Variants in DCC observed in about 807,000 individuals in gnomAD.
The protein encoded by DCC is netrin receptor DCC.
In DCC, 58 loss-of-function variants were observed where a neutral mutation model predicts 172.5. That is an observed-to-expected ratio of 0.34 (90% CI 0.27 to 0.42). The LOEUF (loss-of-function observed/expected upper bound fraction) is 0.42. Among genes scored for constraint, DCC ranks in the 10% least tolerant of loss-of-function variants. DCC has a pLI of 1.00. For missense variants in DCC, 1,740 were observed against 1,791.0 expected (o/e 0.97, Z 0.51); for synonymous variants, 709 against 644.5 (o/e 1.10, Z -1.52).
chr18:52,755,204 G>A (rs1338227623), intron 2 of DCC, among the ~76,000 whole-genome samples: 3 of 152,198 alleles, frequency 2.0e-5, no homozygotes, highest in Non-Finnish European at 2.9e-5. Context: ...AAGGCCAGAG[G>A]AGGTCTGCTG....
chr18:53,351,456 T>TATATAC (rs1332791870), intron 15 of DCC, among the ~76,000 whole-genome samples: 1 of 41,332 alleles, frequency 2.4e-5, no homozygotes, highest in African/African-American at 1.1e-4. Flanking sequence ...TATATATATA[T>TATATAC]ACACAGTGTG....
At chr18:53,335,298 C>T (rs2057579093) in intron 14 of DCC, among the ~76,000 whole-genome samples, 1 of 152,124 alleles carries the variant, frequency 6.6e-6, no homozygotes. Context: ...ATCAGCATAG[C>T]ACTTATCAAG....
chr18:53,121,723 A>G (rs8088666), intron 7 of DCC, among the ~76,000 whole-genome samples: 104,981 of 151,698 alleles, frequency 0.69, 38,149 homozygotes, highest in African/African-American at 0.9. Context: ...GTGGTTAATA[A>G]TTTTACATGT....
intron 28 of DCC, among the ~76,000 whole-genome samples, chr18:53,529,038 T>TCA (rs140593675): frequency 0.023 from 1,530 of 65,204 alleles, 22 homozygotes; most frequent in East Asian, 0.046. Context: ...TCTCTCTCTC[T>TCA]CACACACACA....
chr18:53,430,601 T>C (rs1364619982), intron 21 of DCC, among the ~76,000 whole-genome samples: 1 of 152,290 alleles, frequency 6.6e-6, no homozygotes, highest in East Asian at 1.9e-4. Context: ...ATTAATGTTA[T>C]TTCATTTTAT....
At chr18:52,549,769 T>C (rs924956317) in intron 1 of DCC, among the ~76,000 whole-genome samples, 1 of 152,122 alleles carries the variant, frequency 6.6e-6, no homozygotes, top group African/African-American at 2.4e-5. Flanking sequence ...AACTATGATT[T>C]GTATGGCTAA....
At chr18:52,494,116 G>A (rs1045541836) in intron 1 of DCC, among the ~76,000 whole-genome samples, 1 of 151,924 alleles carries the variant, frequency 6.6e-6, no homozygotes, top group South Asian at 2.1e-4. Context: ...ATTCTAAGTT[G>A]GAATTTATTT....
chr18:52,493,996 A>T (rs1396741251), intron 1 of DCC, among the ~76,000 whole-genome samples: 1 of 151,976 alleles, frequency 6.6e-6, no homozygotes, highest in Non-Finnish European at 1.5e-5. Context: ...AACTGTTTTT[A>T]GAATTTCCTT....
intron 7 of DCC, among the ~76,000 whole-genome samples, chr18:53,103,606 G>T (rs1260657601): frequency 6.6e-6 from 1 of 151,978 alleles, no homozygotes; most frequent in East Asian, 1.9e-4. Context: ...GCCAATAGTT[G>T]TCATTTGTAT....
At chr18:52,955,699 GGCCA>G (rs1320775611) in intron 5 of DCC, among the ~76,000 whole-genome samples, 1 of 152,138 alleles carries the variant, frequency 6.6e-6, no homozygotes, top group Non-Finnish European at 1.5e-5. Context: ...TCCACAACCT[GGCCA>G]GCATTTGATA....
chr18:53,096,923 C>T (rs751811320), intron 7 of DCC, among the ~76,000 whole-genome samples: 1 of 152,022 alleles, frequency 6.6e-6, no homozygotes, highest in Non-Finnish European at 1.5e-5. Context: ...ACACAAAATA[C>T]ATTCTCAAAG....
At chr18:52,783,723 G>A (rs540550430) in intron 2 of DCC, among the ~76,000 whole-genome samples, 1 of 151,770 alleles carries the variant, frequency 6.6e-6, no homozygotes, top group Middle Eastern at 3.4e-3. Context: ...TAGTATATAT[G>A]TGTGTGTATG....
intron 5 of DCC, among the ~76,000 whole-genome samples, chr18:52,950,054 C>T (rs1227195247): frequency 6.6e-6 from 1 of 152,196 alleles, no homozygotes. Flanking sequence ...ACATGGTTGG[C>T]TGTTTTCTGC....
chr18:52,612,310 C>G (rs2034291292), intron 1 of DCC, among the ~76,000 whole-genome samples: 1 of 152,260 alleles, frequency 6.6e-6, no homozygotes, highest in South Asian at 2.1e-4. Flanking sequence ...CCCCCATCCC[C>G]TGCCAACATG....
intron 1 of DCC, among the ~76,000 whole-genome samples, chr18:52,741,575 C>T (rs1011880597): frequency 2.6e-5 from 4 of 152,160 alleles, no homozygotes; most frequent in African/African-American, 9.7e-5. Flanking sequence ...TGAAATTGTT[C>T]CTCCATTGAC....
At chr18:53,403,510 A>G (rs1909453513) in intron 19 of DCC, among the ~76,000 whole-genome samples, 1 of 152,230 alleles carries the variant, frequency 6.6e-6, no homozygotes, top group Non-Finnish European at 1.5e-5. Flanking sequence ...GAAGCCTGTA[A>G]TGTTAATTTA....
intron 8 of DCC, among the ~76,000 whole-genome samples, chr18:53,169,487 T>C (rs1436113683): frequency 2.0e-5 from 3 of 152,200 alleles, no homozygotes; most frequent in Non-Finnish European, 4.4e-5. Context: ...CACAAGTGGC[T>C]TGATTCCTTT....
chr18:52,559,333 G>A lies in DCC; in HGVS notation c.92-192721G>A, dbSNP rs144937835. On this transcript the variant is annotated intron_variant, in intron 1 of 28. Coordinates refer to ENST00000442544, the MANE Select transcript of DCC (RefSeq NM_005215.4). ...TCACCGTGTTAGCCAGGATGGTCTC[G>A]ATCTCCTAACCTTGTGATCTGCCTG... Among the ~76,000 whole-genome samples the A allele has an allele frequency of 4.6e-3, 693 of 152,248 alleles. 4 individuals are homozygous for A. The highest frequency in any genetic ancestry group is 0.016 in the African/African-American group (644 of 41,544).
chr18:52,890,397 T>C (rs914197108), intron 2 of DCC, among the ~76,000 whole-genome samples: 1 of 152,074 alleles, frequency 6.6e-6, no homozygotes, highest in African/African-American at 2.4e-5. Flanking sequence ...ATAGAACATA[T>C]GGTTACTGAT....
Sources: allele counts gnomAD v4.1 joint callset (sites outside exome capture counted in the v4.1 genomes callset), GRCh38; gene constraint gnomAD v4.1.1; transcripts MANE v1.5; gene names NCBI Gene and HGNC (gene_info 2026-07-23, HGNC 2026-07-21).